The following CNTNAP5 variants were observed in gnomAD, a reference collection of about 807,000 sequenced individuals.
The protein encoded by CNTNAP5 is contactin-associated protein-like 5.
CNTNAP5 carries 72 observed loss-of-function variants against 150.2 expected under a neutral mutation model. That is an observed-to-expected ratio of 0.48 (90% CI 0.40 to 0.58). The LOEUF (loss-of-function observed/expected upper bound fraction) is 0.58, where lower values mean the gene tolerates loss of function less well. Ranked by LOEUF, CNTNAP5 falls within the 20% of genes least tolerant of loss-of-function variation. CNTNAP5 has a pLI of 0.00. For missense variants in CNTNAP5, 1,636 were observed against 1,626.2 expected (o/e 1.01, Z -0.10); for synonymous variants, 672 against 619.8 (o/e 1.08, Z -1.25).
At chr2:124,481,291 G>C (rs893343942) in intron 7 of CNTNAP5, among the ~76,000 whole-genome samples, 1 of 152,158 alleles carries the variant, frequency 6.6e-6, no homozygotes, top group Non-Finnish European at 1.5e-5. Context: ...ACATACTGGG[G>C]ATGAAATTTC....
chr2:124,116,911 A>C (rs1296940216), intron 1 of CNTNAP5, among the ~76,000 whole-genome samples: 2 of 152,228 alleles, frequency 1.3e-5, no homozygotes, highest in Non-Finnish European at 2.9e-5. Context: ...GGCTGAAATA[A>C]AGCAAGCCAG....
At chr2:124,078,969 G>A (rs1399642399) in intron 1 of CNTNAP5, among the ~76,000 whole-genome samples, 1 of 152,142 alleles carries the variant, frequency 6.6e-6, no homozygotes. Flanking sequence ...ACATCTAAAC[G>A]AAAACCACCT....
At chr2:124,039,013 AAAT>A (rs1320825864) in intron 1 of CNTNAP5, among the ~76,000 whole-genome samples, 3 of 152,330 alleles carry the variant, frequency 2.0e-5, no homozygotes, top group South Asian at 2.1e-4. Context: ...AAGTTACACT[AAAT>A]AAGCAGACGC....
chr2:124,423,755 C>T (rs1423340600), intron 4 of CNTNAP5, among the ~76,000 whole-genome samples: 2 of 144,562 alleles, frequency 1.4e-5, no homozygotes, highest in East Asian at 2.0e-4. Context: ...AGCTCCGCCT[C>T]CCAGGTTCAC....
At chr2:124,037,683 G>T (rs1168458117) in intron 1 of CNTNAP5, among the ~76,000 whole-genome samples, 1 of 152,158 alleles carries the variant, frequency 6.6e-6, no homozygotes, top group Non-Finnish European at 1.5e-5. Flanking sequence ...AGCTGTAGGT[G>T]TGGGGAGGGA....
At chr2:124,090,942 A>T (rs895007231) in intron 1 of CNTNAP5, among the ~76,000 whole-genome samples, 74 of 152,338 alleles carry the variant, frequency 4.9e-4, no homozygotes, top group African/African-American at 1.7e-3. Context: ...CTAAATAACT[A>T]GTAAGTGTTT....
At chr2:124,294,331 A>T (rs549149786) in intron 3 of CNTNAP5, among the ~76,000 whole-genome samples, 1 of 152,214 alleles carries the variant, frequency 6.6e-6, no homozygotes, top group African/African-American at 2.4e-5. Flanking sequence ...AGTAATGAGA[A>T]GTATTATAAA....
intron 1 of CNTNAP5, among the ~76,000 whole-genome samples, chr2:124,115,112 T>C (rs1048067518): frequency 6.6e-6 from 1 of 152,096 alleles, no homozygotes; most frequent in East Asian, 1.9e-4. Flanking sequence ...ATTCTACATA[T>C]CTTTTTTACA....
Position 124,571,512 on chromosome 2 carries a change from T to C in CNTNAP5, c.1756+8189T>C, listed in dbSNP as rs1287145157. On this transcript the variant is annotated intron_variant, in intron 11 of 23. Coordinates refer to ENST00000682447, the MANE Select transcript of CNTNAP5 (RefSeq NM_001367498.1). Reference sequence around the variant, plus strand: ...AGGTACATGGTATCCCACTGAGTACTTTTTTTTCTTTTTTCTTTTTTTTTT... The same window carrying C: ...AGGTACATGGTATCCCACTGAGTACCTTTTTTTCTTTTTTCTTTTTTTTTT... Among the ~76,000 whole-genome samples the C allele has an allele frequency of 2.5e-5, 3 of 119,754 alleles. No individual in the cohort carries two copies. The East Asian group carries it at 7.6e-4, about 30-fold the overall frequency. The allele number at this position is 119,754 out of a possible 152,430, so 78.6% of individuals were successfully genotyped here.
chr2:124,393,758 G>T (rs2565750), intron 3 of CNTNAP5, among the ~76,000 whole-genome samples: 23,850 of 152,214 alleles, frequency 0.16, 1,932 homozygotes, highest in East Asian at 0.27. Context: ...CCAGGCTCAG[G>T]CTTTCTCTGG....
intron 11 of CNTNAP5, among the ~76,000 whole-genome samples, chr2:124,589,855 T>A (rs572925027): frequency 6.6e-6 from 1 of 152,314 alleles, no homozygotes; most frequent in Admixed American, 6.5e-5. Flanking sequence ...TCATGAGGAT[T>A]CCTCCTGCTA....
At chr2:124,499,611 C>G (rs543714105) in intron 7 of CNTNAP5, among the ~76,000 whole-genome samples, 9 of 152,168 alleles carry the variant, frequency 5.9e-5, no homozygotes, top group Non-Finnish European at 1.0e-4. Flanking sequence ...GATGGTCTAT[C>G]AGTAGTCAGC....
rs1265027917 is a variant in CNTNAP5, at chr2:124,410,348, A to G, written c.382-7095A>G. ...GACAGAAAGTCAACAAGGATACCCA[A>G]GAATTGAACTCAGCTCTGCACCAAG... On this transcript the variant is annotated intron_variant, in intron 3 of 23. Transcript: ENST00000682447. 5.7e-4 allele frequency among the ~76,000 whole-genome samples: 86 copies of G among 151,682 alleles called. 1 individual carries two copies. The highest frequency in any genetic ancestry group is 9.3e-4 in the Non-Finnish European group (63 of 67,912).
intron 13 of CNTNAP5, among the ~76,000 whole-genome samples, chr2:124,661,064 A>G (rs1025401976): frequency 2.0e-5 from 3 of 151,654 alleles, no homozygotes; most frequent in African/African-American, 7.3e-5. Flanking sequence ...AGAGGGAATG[A>G]TGTGTGAATG....
intron 12 of CNTNAP5, among the ~76,000 whole-genome samples, chr2:124,638,361 G>A (rs1678016326): frequency 6.6e-6 from 1 of 151,996 alleles, no homozygotes; most frequent in African/African-American, 2.4e-5. Context: ...CAATAACAAT[G>A]TAAAGTTAAA....
At chr2:124,312,969 T>C (rs1297038073) in intron 3 of CNTNAP5, among the ~76,000 whole-genome samples, 3 of 152,182 alleles carry the variant, frequency 2.0e-5, no homozygotes, top group Non-Finnish European at 4.4e-5. Context: ...CTTCCCAAAA[T>C]GTTGGGATTA....
At chr2:124,515,190 C>T (rs1021219793) in intron 8 of CNTNAP5, among the ~76,000 whole-genome samples, 10 of 152,188 alleles carry the variant, frequency 6.6e-5, no homozygotes, top group Admixed American at 5.9e-4. Context: ...GGGCCTGCTT[C>T]TGACACTTGG....
chr2:124,707,822 C>A (rs753494594), intron 13 of CNTNAP5, among the ~76,000 whole-genome samples: 10 of 152,252 alleles, frequency 6.6e-5, no homozygotes, highest in South Asian at 2.1e-4. Flanking sequence ...CCTCAAGTAT[C>A]GTAAATTTCC....
intron 13 of CNTNAP5, among the ~76,000 whole-genome samples, chr2:124,742,249 T>G (rs924327780): frequency 8.5e-5 from 13 of 152,208 alleles, no homozygotes; most frequent in Admixed American, 3.3e-4. Flanking sequence ...TTTTTTCTTT[T>G]AATTTGTTTG....
Sources: gnomAD v4.1 joint callset for allele counts (sites outside exome capture counted in the v4.1 genomes callset) on GRCh38, gnomAD v4.1.1 for gene constraint, MANE v1.5 for transcripts, NCBI Gene and HGNC (gene_info 2026-07-23, HGNC 2026-07-21) for gene names.